The following DCC variants were observed in gnomAD, a reference collection of about 807,000 sequenced individuals.
DCC encodes the protein DCC netrin 1 receptor.
DCC carries 58 observed loss-of-function variants against 172.5 expected under a neutral mutation model. The ratio of observed to expected loss-of-function variants is 0.34; its 90% CI spans 0.27 to 0.42. The LOEUF is 0.42. Ranked by LOEUF, DCC falls within the 10% of genes least tolerant of loss-of-function variation. The probability of loss-of-function intolerance (pLI) is 1.00; values close to 1 mark genes in which losing one functional copy is unlikely to be tolerated. For missense variants in DCC, 1,740 were observed against 1,791.0 expected (o/e 0.97, Z 0.51); for synonymous variants, 709 against 644.5 (o/e 1.10, Z -1.52).
chr18:53,078,457 T>A (rs2042751768), intron 7 of DCC, among the ~76,000 whole-genome samples: 1 of 152,154 alleles, frequency 6.6e-6, no homozygotes, highest in African/African-American at 2.4e-5. Context: ...ATACTATTTT[T>A]TGGGTTTGAC....
chr18:53,332,730 G>T (rs2057544340), intron 14 of DCC, among the ~76,000 whole-genome samples: 1 of 152,130 alleles, frequency 6.6e-6, no homozygotes, highest in Non-Finnish European at 1.5e-5. Context: ...AATTTTGGCA[G>T]TGATGGGATT....
Position 53,416,175 on chromosome 18 carries a change from T to A in DCC, c.3163+19T>A, listed in dbSNP as rs530900553. On this transcript the variant is annotated intron_variant, in intron 21 of 28. Coordinates refer to ENST00000442544, the MANE Select transcript of DCC (RefSeq NM_005215.4). ...GACCAAGGTATGGTGGCTCAATCTG[T>A]CATTTTGTGTTCCTTGAATCAATCC... is the stretch of plus-strand genomic sequence containing the variant. 6.3e-6 allele frequency: 10 copies of A among 1,582,358 alleles called. No individual in the cohort carries two copies. The African/African-American group carries it at 1.2e-4, about 19-fold the overall frequency.
chr18:52,610,397 A>AAAAAAAAAAAG, intron 1 of DCC, among the ~76,000 whole-genome samples: 1 of 141,444 alleles, frequency 7.1e-6, no homozygotes, highest in African/African-American at 2.6e-5. Context: ...AAAAAAAAAA[A>AAAAAAAAAAAG]AAAAAAAAAA....
chr18:52,492,208 TG>T (rs1568195659), intron 1 of DCC, among the ~76,000 whole-genome samples: 3 of 151,910 alleles, frequency 2.0e-5, no homozygotes, highest in South Asian at 2.1e-4. Context: ...ATAAGAAACT[TG>T]GGGGGTAGTG....
intron 5 of DCC, among the ~76,000 whole-genome samples, chr18:53,011,628 G>A (rs2041732206): frequency 6.6e-6 from 1 of 151,720 alleles, no homozygotes; most frequent in Admixed American, 6.6e-5. Context: ...TTTTAATGGA[G>A]AAATTCATTT....
intron 1 of DCC, among the ~76,000 whole-genome samples, chr18:52,639,220 A>T (rs750843232): frequency 7.2e-5 from 11 of 152,170 alleles, no homozygotes; most frequent in Non-Finnish European, 1.6e-4. Flanking sequence ...GAAAGAGCAC[A>T]AACAGACAAT....
At chr18:52,483,989 C>T (rs1253573237) in intron 1 of DCC, among the ~76,000 whole-genome samples, 2 of 152,022 alleles carry the variant, frequency 1.3e-5, no homozygotes, top group African/African-American at 2.4e-5. Context: ...TCTAAGAGCT[C>T]TTTCTGTTCT....
At chr18:53,464,525 T>A (rs905346369) in intron 24 of DCC, among the ~76,000 whole-genome samples, 3 of 151,908 alleles carry the variant, frequency 2.0e-5, no homozygotes, top group Admixed American at 2.0e-4. Flanking sequence ...CCACAAAGTG[T>A]TACTACCAAA....
intron 1 of DCC, among the ~76,000 whole-genome samples, chr18:52,578,386 C>T (rs535430132): frequency 3.0e-4 from 45 of 152,290 alleles, no homozygotes; most frequent in African/African-American, 9.4e-4. Context: ...GTCAAACGTA[C>T]GCTGCATGAG....
At chr18:52,567,828 A>C (rs1318410385) in intron 1 of DCC, among the ~76,000 whole-genome samples, 1 of 152,082 alleles carries the variant, frequency 6.6e-6, no homozygotes, top group Non-Finnish European at 1.5e-5. Context: ...TTAAAAAAAA[A>C]CAGAGAGGTG....
intron 5 of DCC, among the ~76,000 whole-genome samples, chr18:52,965,411 T>A (rs563877499): frequency 8.5e-5 from 13 of 152,236 alleles, no homozygotes; most frequent in African/African-American, 1.9e-4. Context: ...CAAACTATAC[T>A]GTGTAATTTT....
chr18:52,947,958 CA>C (rs2145540617), intron 5 of DCC, among the ~76,000 whole-genome samples: 1 of 152,252 alleles, frequency 6.6e-6, no homozygotes, highest in African/African-American at 2.4e-5. Flanking sequence ...CAAGCGTCCA[CA>C]ATTTCTACCT....
intron 1 of DCC, among the ~76,000 whole-genome samples, chr18:52,346,893 A>G (rs1204696250): frequency 6.6e-6 from 1 of 152,134 alleles, no homozygotes; most frequent in Admixed American, 6.5e-5. Flanking sequence ...AAATTTTTTG[A>G]CTTTTAGCTT....
chr18:52,385,280 A>C (rs1213637160), intron 1 of DCC, among the ~76,000 whole-genome samples: 1 of 151,912 alleles, frequency 6.6e-6, no homozygotes, highest in Admixed American at 6.6e-5. Context: ...ATTTTTATTT[A>C]TTTATTTATT....
At chr18:52,906,750 A>G (rs968164521) in intron 3 of DCC, among the ~76,000 whole-genome samples, 10 of 151,944 alleles carry the variant, frequency 6.6e-5, no homozygotes, top group African/African-American at 2.4e-4. Flanking sequence ...ATTGAACTAT[A>G]GATATATGAT....
At chr18:53,145,717 C>T (rs1284310877) in intron 7 of DCC, among the ~76,000 whole-genome samples, 1 of 151,962 alleles carries the variant, frequency 6.6e-6, no homozygotes. Context: ...AATTCTGTCC[C>T]AAATTTGGAT....
chr18:52,496,324 T>A (rs2030748437), intron 1 of DCC, among the ~76,000 whole-genome samples: 2 of 152,134 alleles, frequency 1.3e-5, no homozygotes, highest in Non-Finnish European at 2.9e-5. Context: ...AAAATAAAGC[T>A]TAATTATTAA....
chr18:52,340,909 AC>A, intron 1 of DCC, 31 bp downstream of exon 1: 2 of 1,513,126 alleles, frequency 1.3e-6, no homozygotes, highest in Non-Finnish European at 1.8e-6. Context: ...TTCTCGTCGC[AC>A]CCCCTTCCGT....
intron 14 of DCC, 71 bp from the exon 15 acceptor site, chr18:53,339,642 T>A: frequency 8.6e-7 from 1 of 1,158,238 alleles, no homozygotes; most frequent in Non-Finnish European, 1.3e-6. Flanking sequence ...TTTCTCTTGC[T>A]TAAATGGTGT....
Sources: allele counts gnomAD v4.1 joint callset (sites outside exome capture counted in the v4.1 genomes callset), GRCh38; gene constraint gnomAD v4.1.1; transcripts MANE v1.5; gene names NCBI Gene and HGNC (gene_info 2026-07-23, HGNC 2026-07-21).